CHL1: variants seen among roughly 807,000 people sequenced by gnomAD.
The protein encoded by CHL1 is cell adhesion molecule L1 like, also known as neural cell adhesion molecule L1-like protein.
CHL1 carries 96 observed loss-of-function variants against 141.9 expected under a neutral mutation model. The ratio of observed to expected loss-of-function variants is 0.68; its 90% CI spans 0.57 to 0.80. The LOEUF (loss-of-function observed/expected upper bound fraction) is 0.80. Ranked by LOEUF, CHL1 falls within the 30% of genes least tolerant of loss-of-function variation. The probability of loss-of-function intolerance (pLI) is 0.00; values close to 1 mark genes in which losing one functional copy is unlikely to be tolerated. For synonymous variants in CHL1, 613 were observed against 502.2 expected (o/e 1.22, Z -2.95); for missense variants, 1,820 against 1,457.2 (o/e 1.25, Z -4.05).
intron 19 of CHL1, among the ~76,000 whole-genome samples, chr3:388,631 G>A (rs907503379): frequency 1.3e-5 from 2 of 152,044 alleles, no homozygotes; most frequent in African/African-American, 4.8e-5. Flanking sequence ...GGGTAAGGGT[G>A]ACATTTTTTC....
At chr3:199,325 C>T (rs1396277937) in intron 1 of CHL1, among the ~76,000 whole-genome samples, 1 of 152,146 alleles carries the variant, frequency 6.6e-6, no homozygotes, top group Non-Finnish European at 1.5e-5. Flanking sequence ...TATGTTTGTA[C>T]CCACTTCACT....
At chr3:310,803 A>T (rs187243757) in intron 2 of CHL1, among the ~76,000 whole-genome samples, 24 of 152,312 alleles carry the variant, frequency 1.6e-4, no homozygotes, top group Non-Finnish European at 2.6e-4. Flanking sequence ...ACGGGTTTTG[A>T]CAAAGGTATA....
At chr3:361,992 A>C (rs1264716067) in intron 13 of CHL1, among the ~76,000 whole-genome samples, 182 bp downstream of exon 13, 6 of 152,280 alleles carry the variant, frequency 3.9e-5, no homozygotes, top group African/African-American at 1.4e-4. Context: ...CATTGGCTAG[A>C]TTTCTAGGAT....
At chr3:302,243 T>C (rs1246731854) in intron 2 of CHL1, among the ~76,000 whole-genome samples, 3 of 152,216 alleles carry the variant, frequency 2.0e-5, no homozygotes, top group Non-Finnish European at 4.4e-5. Flanking sequence ...TGATTTATAA[T>C]TCTTTGGGTA....
intron 2 of CHL1, among the ~76,000 whole-genome samples, chr3:306,886 A>G (rs554037805): frequency 1.3e-5 from 2 of 152,302 alleles, no homozygotes; most frequent in East Asian, 3.9e-4. Context: ...CCCTGTCACT[A>G]CAAGATCCTT....
At chr3:391,187 T>G in intron 22 of CHL1, 28 bp downstream of exon 22, 1 of 1,539,182 alleles carries the variant, frequency 6.5e-7, no homozygotes, top group Non-Finnish European at 9.0e-7. Flanking sequence ...TAGAGTCATG[T>G]CAAAAATGGA....
At chr3:257,484 G>T (rs1184346990) in intron 2 of CHL1, among the ~76,000 whole-genome samples, 2 of 151,784 alleles carry the variant, frequency 1.3e-5, no homozygotes, top group African/African-American at 4.8e-5. Context: ...CTCCCAAGTA[G>T]CTGGGATTAC....
chr3:386,300 T>C (rs1707707963), intron 19 of CHL1, among the ~76,000 whole-genome samples: 1 of 152,200 alleles, frequency 6.6e-6, no homozygotes, highest in East Asian at 1.9e-4. Flanking sequence ...TTTTTGTTTA[T>C]TTGTTTATGT....
intron 1 of CHL1, among the ~76,000 whole-genome samples, chr3:205,657 G>C (rs937470627): frequency 1.5e-4 from 23 of 152,190 alleles, no homozygotes; most frequent in Non-Finnish European, 2.9e-4. Flanking sequence ...GTGTGTGTGT[G>C]TGCGCGCGCA....
Position 363,262 on chromosome 3 carries a change from T to C in CHL1, c.1464T>C (p.His488=). The change falls in exon 14 of 28, where the codon CAT becomes CAC. Residue 488 remains histidine, a synonymous_variant. Transcript: ENST00000256509. The stretch of plus-strand genomic sequence containing the variant: ...AACCCCTGGAGGGCAGGCGGTATCA[T>C]ATCTATGAAAATGGCACATTGCAGA... ...EVKPLEGRRY[H]IYENGTLQIN... 6.2e-7 allele frequency: 1 copy of C among 1,613,690 alleles called. No individual in the cohort carries two copies. Among genetic ancestry groups the C allele is most frequent in the Non-Finnish European group, 8.5e-7 (1 of 1,179,736 alleles).
At chr3:399,332 G>A (rs994980193) in intron 26 of CHL1, among the ~76,000 whole-genome samples, 184 bp downstream of exon 26, 2 of 152,120 alleles carry the variant, frequency 1.3e-5, no homozygotes, top group African/African-American at 4.8e-5. Flanking sequence ...GTATGTTCTA[G>A]TTTCTAGCAC....
chr3:223,704 G>C (rs1409741596), intron 1 of CHL1, among the ~76,000 whole-genome samples: 5 of 152,194 alleles, frequency 3.3e-5, no homozygotes, highest in Admixed American at 6.5e-5. Flanking sequence ...TGCAGGCCCA[G>C]TGAAGCAGAA....
rs1256784921 is a variant in CHL1, at chr3:363,281, T to A, written c.1483T>A (p.Leu495Met). 6.2e-7 allele frequency: 1 copy of A among 1,613,752 alleles called. No individual in the cohort carries two copies. Among genetic ancestry groups the A allele is most frequent in the Non-Finnish European group, 8.5e-7 (1 of 1,179,764 alleles). Residue 495 changes from leucine (L) to methionine (M), a missense_variant, in exon 14 of 28, where the codon TTG becomes ATG. By Grantham distance (15) the Leu-to-Met change is conservative. Coordinates refer to ENST00000256509, the MANE Select transcript of CHL1 (RefSeq NM_006614.4). ...RRYHIYENGT[L>M]QINRTTEEDA... ...GTATCATATCTATGAAAATGGCACATTGCAGATCAACAGAACCACCGAAGA... is the reference window on the plus strand; with the variant it reads ...GTATCATATCTATGAAAATGGCACAATGCAGATCAACAGAACCACCGAAGA...
In CHL1 at chr3:198,617, A is replaced by T. The variant is rs140246124; in HGVS notation, c.-175+1554A>T. Among the ~76,000 whole-genome samples the T allele has an allele frequency of 2.3e-3, 347 of 152,328 alleles. 2 individuals carry two copies. The highest frequency in any genetic ancestry group is 6.4e-3 in the African/African-American group (268 of 41,580). On this transcript the variant is annotated intron_variant, in intron 1 of 27. Coordinates refer to ENST00000256509, the MANE Select transcript of CHL1 (RefSeq NM_006614.4). ...AGACTGGAATGAGATGATACAAGTAATTTAACACCATAGATTTTTAAATTT... is the reference window on the plus strand; with the variant it reads ...AGACTGGAATGAGATGATACAAGTATTTTAACACCATAGATTTTTAAATTT...
At chr3:351,283 C>A (rs916788678) in intron 10 of CHL1, among the ~76,000 whole-genome samples, 1 of 152,180 alleles carries the variant, frequency 6.6e-6, no homozygotes, top group Admixed American at 6.6e-5. Flanking sequence ...TCTCACTACT[C>A]ATAAAACAGC....
At chr3:403,080 C>T (rs2106434313) in intron 27 of CHL1, among the ~76,000 whole-genome samples, 1 of 152,294 alleles carries the variant, frequency 6.6e-6, no homozygotes, top group South Asian at 2.1e-4. Flanking sequence ...CAAATCATTC[C>T]TAGGCCATTC....
At chr3:327,381 A>C (rs1575076833) in intron 4 of CHL1, among the ~76,000 whole-genome samples, 1 of 151,878 alleles carries the variant, frequency 6.6e-6, no homozygotes, top group African/African-American at 2.4e-5. Flanking sequence ...TGTTCATAGA[A>C]CTGACACTCT....
At chr3:374,965 C>T (rs1706129934) in intron 15 of CHL1, among the ~76,000 whole-genome samples, 1 of 152,152 alleles carries the variant, frequency 6.6e-6, no homozygotes, top group South Asian at 2.1e-4. Context: ...CTTCTCTTCT[C>T]GCTTGTCCCC....
chr3:299,067 T>C (rs552042576), intron 2 of CHL1, among the ~76,000 whole-genome samples: 1 of 152,322 alleles, frequency 6.6e-6, no homozygotes, highest in East Asian at 1.9e-4. Flanking sequence ...TCTGCTGACA[T>C]TTATTGAGTA....
Sources: gnomAD v4.1 joint callset for allele counts (sites outside exome capture counted in the v4.1 genomes callset) on GRCh38, gnomAD v4.1.1 for gene constraint, MANE v1.5 for transcripts, NCBI Gene and HGNC (gene_info 2026-07-23, HGNC 2026-07-21) for gene names.